WDR36: variants seen among roughly 807,000 people sequenced by gnomAD.
WDR36 encodes the protein WD repeat-containing protein 36.
Under a neutral mutation model 112.7 loss-of-function variants are expected in WDR36, and 63 were observed. The observed-to-expected ratio is 0.56, with a 90% CI of 0.46 to 0.69. The LOEUF (loss-of-function observed/expected upper bound fraction) is 0.69, where lower values mean the gene tolerates loss of function less well. WDR36 is among the 30% of genes least tolerant of loss of function. The probability of loss-of-function intolerance (pLI) is 0.00; values close to 1 mark genes in which losing one functional copy is unlikely to be tolerated. For synonymous variants in WDR36, 410 were observed against 362.2 expected, an observed-to-expected ratio of 1.13 and a Z score of -1.50; for missense variants, 1,226 against 1,070.3, an observed-to-expected ratio of 1.15 and a Z score of -2.03.
intron 6 of WDR36, 46 bp from the exon 7 acceptor site, chr5:111,103,740 G>C (rs2112571367): frequency 1.9e-6 from 3 of 1,605,844 alleles, no homozygotes; most frequent in Non-Finnish European, 2.6e-6. Flanking sequence ...GATTATTAAA[G>C]CTATTTTGCT....
intron 5 of WDR36, among the ~76,000 whole-genome samples, chr5:111,101,359 G>A (rs1032495320): frequency 1.3e-5 from 2 of 151,778 alleles, no homozygotes; most frequent in African/African-American, 4.8e-5. Context: ...ATAATAATGA[G>A]ATTATTACTA....
rs554875339 is a variant in WDR36, at chr5:111,112,010, A to C, written c.1716+732A>C. On this transcript the variant is annotated intron_variant, in intron 15 of 22. Transcript: ENST00000513710. ...GTTCTCACACCAAAAATCAGAATTT[A>C]CTCCTTTCCTTCAAAATTGAAGAAA... Among the ~76,000 whole-genome samples the C allele has an allele frequency of 8.3e-4, 126 of 151,914 alleles. 1 individual carries two copies. The highest frequency in any genetic ancestry group is 3.0e-3 in the African/African-American group (125 of 41,496).
rs190797329 is a variant in WDR36, at chr5:111,105,933, G to A, written c.1094-124G>A. 5.0e-4 allele frequency: 361 copies of A among 726,768 alleles called. 1 individual carries two copies. The African/African-American group carries it at 5.7e-3, about 11-fold the overall frequency. The allele number at this position is 726,768 out of a possible 1,614,324, so 45.0% of individuals were successfully genotyped here. A position where few individuals can be genotyped will look rare whatever the true frequency, so the allele number is the denominator to read the frequency against. ...ACAGTGGTAATAACATCTTTGTTTT[G>A]TTTCTGACTTAAATGGGAATATCTT... On this transcript the variant is annotated intron_variant, in intron 10 of 22. Coordinates refer to ENST00000513710, the MANE Select transcript of WDR36 (RefSeq NM_139281.3).
chr5:111,119,245 C>T (rs181485260), intron 17 of WDR36, 125 bp downstream of exon 17: 6 of 780,872 alleles, frequency 7.7e-6, no homozygotes, highest in Non-Finnish European at 1.4e-5. Context: ...CAAGTTAACA[C>T]AGATACTTAA....
chr5:111,107,652 G>A (rs1753246786), intron 12 of WDR36, among the ~76,000 whole-genome samples: 1 of 151,266 alleles, frequency 6.6e-6, no homozygotes, highest in African/African-American at 2.4e-5. Context: ...TCTCTGAATT[G>A]ACTTTTGTGT....
intron 12 of WDR36, among the ~76,000 whole-genome samples, chr5:111,109,863 T>C (rs1753291996): frequency 6.6e-6 from 1 of 151,438 alleles, no homozygotes; most frequent in African/African-American, 2.4e-5. Flanking sequence ...GTTTTAACTT[T>C]GGCTTTGTTA....
At chr5:111,120,400 A>G in intron 17 of WDR36, 96 bp from the exon 18 acceptor site, 1 of 983,120 alleles carries the variant, frequency 1.0e-6, no homozygotes, top group Non-Finnish European at 1.6e-6. Flanking sequence ...TTTTTTAACT[A>G]ATAAAAGTCT....
Position 111,103,845 on chromosome 5 carries a change from C to T in WDR36, c.657C>T (p.Asn219=). 1 of 1,611,412 alleles carries T rather than the reference C, an allele frequency of 6.2e-7. No individual in the cohort carries two copies. Among genetic ancestry groups the T allele is most frequent in the Non-Finnish European group, 8.5e-7 (1 of 1,178,270 alleles). The change falls in exon 7 of 23, where the codon AAC becomes AAT. Residue 219 remains asparagine (N), a synonymous_variant. Coordinates refer to ENST00000513710, the MANE Select transcript of WDR36 (RefSeq NM_139281.3). ...GLMSGQVIIH[N]IKFNETLMKF... is the part of the protein sequence containing the mutation. ...TGTCAGGTCAAGTTATCATTCACAA[C>T]ATTAAATTTAATGAAACATTAATGA...
At chr5:111,122,331 C>A (rs1298229373) in intron 19 of WDR36, among the ~76,000 whole-genome samples, 1 of 152,174 alleles carries the variant, frequency 6.6e-6, no homozygotes, top group East Asian at 1.9e-4. Context: ...GTTTATACTG[C>A]ATAAAATCTT....
chr5:111,110,987 A>G (rs1263273894), intron 14 of WDR36, 34 bp downstream of exon 14: 2 of 1,608,478 alleles, frequency 1.2e-6, no homozygotes, highest in Non-Finnish European at 1.7e-6. Flanking sequence ...TTTCTCTTTG[A>G]TTCTTTTGGT....
In WDR36 at chr5:111,128,681, ATATATT is replaced by A. The variant is rs1176110723; in HGVS notation, c.*1801_*1806del. ...AGACTTAAGTGTATTGTTACCAGAG[ATATATT>A]TAGATAGAATACATCATTTTGGCAG... is the stretch of plus-strand genomic sequence containing the variant. On this transcript the variant is annotated 3_prime_UTR_variant, in exon 23 of 23. Transcript: ENST00000513710. 1 of 182,230 alleles carries A rather than the reference ATATATT, an allele frequency of 5.5e-6. No homozygotes were observed. Among genetic ancestry groups the A allele is most frequent in the African/African-American group, 2.4e-5 (1 of 42,542 alleles). 11.3% of individuals were successfully genotyped at this position (182,230 alleles called of 1,614,324 possible). A position where few individuals can be genotyped will look rare whatever the true frequency, so the allele number is the denominator to read the frequency against.
chr5:111,116,088 G>T (rs370726843), intron 16 of WDR36, among the ~76,000 whole-genome samples: 1 of 151,654 alleles, frequency 6.6e-6, no homozygotes, highest in Non-Finnish European at 1.5e-5. Context: ...GACCACAGGC[G>T]TGTGCCACCA....
At chr5:111,124,642 G>C (rs1056145686) in intron 21 of WDR36, among the ~76,000 whole-genome samples, 2 of 152,092 alleles carry the variant, frequency 1.3e-5, no homozygotes, top group Non-Finnish European at 2.9e-5. Context: ...TAATCTGTCT[G>C]TTGTGTTCAT....
rs376288151 is a variant in WDR36, at chr5:111,113,035, A to AAT, written c.1717-22_1717-21dup. The AAT allele has an allele frequency of 4.1e-3, 1,438 of 352,442 alleles. 24 individuals are homozygous for AAT. Among genetic ancestry groups the AAT allele is most frequent in the African/African-American group, 0.033 (1,216 of 36,536 alleles). The allele number at this position is 352,442 out of a possible 1,614,324, so 21.8% of individuals were successfully genotyped here. ...TATTCATATATATTTATATATAAAT[A>AAT]ATATATATATATATATATTTTTTTT... is the stretch of plus-strand genomic sequence containing the variant. On this transcript the variant is annotated intron_variant, in intron 15 of 22. Coordinates refer to ENST00000513710, the MANE Select transcript of WDR36 (RefSeq NM_139281.3).
At chr5:111,110,052 A>T (rs894108339) in intron 12 of WDR36, 137 bp from the exon 13 acceptor site, 21 of 673,384 alleles carry the variant, frequency 3.1e-5, no homozygotes, top group Non-Finnish European at 4.2e-5. Context: ...TTTATGTTAA[A>T]AAAACTAATG....
chr5:111,104,856 G>T (rs1325738613), intron 9 of WDR36, 39 bp downstream of exon 9: 4 of 1,608,850 alleles, frequency 2.5e-6, no homozygotes, highest in South Asian at 1.1e-5. Context: ...ATTTCAGCAA[G>T]TATTGAGATG....
At chr5:111,116,568 A>T (rs1049153584) in intron 16 of WDR36, among the ~76,000 whole-genome samples, 2 of 151,914 alleles carry the variant, frequency 1.3e-5, no homozygotes, top group African/African-American at 2.4e-5. Flanking sequence ...TAGAATAGGA[A>T]TTGTTTTAAT....
At chr5:111,093,197 T>C (rs1158331625) in intron 1 of WDR36, among the ~76,000 whole-genome samples, 1 of 152,242 alleles carries the variant, frequency 6.6e-6, no homozygotes, top group Non-Finnish European at 1.5e-5. Flanking sequence ...ATATAATCTA[T>C]TAAAGTAAAT....
Position 111,126,761 on chromosome 5 carries a change from C to A in WDR36, c.2566C>A (p.Pro856Thr), listed in dbSNP as rs1753685377. 3 of 1,613,704 alleles carry A rather than the reference C, an allele frequency of 1.9e-6. No individual in the cohort carries two copies. The highest frequency in any genetic ancestry group is 2.5e-6 in the Non-Finnish European group (3 of 1,179,784). ...ACACCTTAAAATGCTTCCTTCAGAG[C>A]CAGTACTCCTAGAAGAAATAACAAA... ...KLHLKMLPSE[P>T]VLLEEITNLS... Residue 856 changes from proline to threonine, a missense_variant, in exon 23 of 23, where the codon CCA becomes ACA. Transcript: ENST00000513710.
Sources: allele counts gnomAD v4.1 joint callset (sites outside exome capture counted in the v4.1 genomes callset), GRCh38; gene constraint gnomAD v4.1.1; transcripts MANE v1.5; gene names NCBI Gene and HGNC (gene_info 2026-07-23, HGNC 2026-07-21).